Variants in TMEM181 observed in about 807,000 individuals in gnomAD.
TMEM181 encodes transmembrane protein 181.
In TMEM181, 39 loss-of-function variants were observed where a neutral mutation model predicts 71.9. The observed-to-expected ratio is 0.54, with a 90% confidence interval of 0.42 to 0.71. The LOEUF (loss-of-function observed/expected upper bound fraction) is 0.71, where lower values mean the gene tolerates loss of function less well. TMEM181 is among the 30% of genes least tolerant of loss of function. TMEM181 has a pLI of 0.00. For synonymous variants in TMEM181, 245 were observed against 228.8 expected (o/e 1.07, Z -0.64); for missense variants, 595 against 583.0 (o/e 1.02, Z -0.21).
Position 158,605,293 on chromosome 6 carries a change from C to T in TMEM181, c.519C>T (p.Ser173=). The T allele has an allele frequency of 6.2e-7, 1 of 1,613,904 alleles. No individual in the cohort carries two copies. Among genetic ancestry groups the T allele is most frequent in the African/African-American group, 1.3e-5 (1 of 74,960 alleles). ...GGAAGACTTATAACCCTGCCTTCTC[C>T]CGGTTGGAAATCTGGTTCCGGTTTT... is the stretch of plus-strand genomic sequence containing the variant. ...FTWKTYNPAF[S]RLEIWFRFFF... Residue 173 remains serine (S), a synonymous_variant, in exon 7 of 17, where the codon TCC becomes TCT. Coordinates refer to ENST00000684151, the MANE Select transcript of TMEM181 (RefSeq NM_001376852.1).
intron 6 of TMEM181, among the ~76,000 whole-genome samples, chr6:158,601,066 T>C (rs1425392706): frequency 6.6e-6 from 1 of 152,090 alleles, no homozygotes; most frequent in African/African-American, 2.4e-5. Flanking sequence ...ATATCAACAC[T>C]CCCCCCAAAT....
intron 6 of TMEM181, among the ~76,000 whole-genome samples, chr6:158,593,738 T>TC (rs1160215599): frequency 2.6e-5 from 4 of 152,338 alleles, no homozygotes; most frequent in Admixed American, 2.0e-4. Context: ...TTCTTTTTTT[T>TC]CCCACATTAT....
At chr6:158,627,558 TGAG>T (rs1786389750) in intron 13 of TMEM181, among the ~76,000 whole-genome samples, 1 of 152,140 alleles carries the variant, frequency 6.6e-6, no homozygotes, top group South Asian at 2.1e-4. Flanking sequence ...GCTGAGGACC[TGAG>T]GAGGAGCCCT....
intron 1 of TMEM181, among the ~76,000 whole-genome samples, chr6:158,568,749 C>T (rs866668342): frequency 1.3e-5 from 2 of 152,100 alleles, no homozygotes; most frequent in Admixed American, 1.3e-4. Context: ...GAACAGGAGC[C>T]GTGTTCTGAA....
intron 1 of TMEM181, among the ~76,000 whole-genome samples, chr6:158,537,654 C>T (rs1174680589): frequency 1.3e-5 from 2 of 152,204 alleles, no homozygotes; most frequent in East Asian, 3.9e-4. Flanking sequence ...CGGTAGAAAG[C>T]TCCCTCACCC....
intron 15 of TMEM181, among the ~76,000 whole-genome samples, chr6:158,630,243 C>T (rs137906959): frequency 8.5e-5 from 13 of 152,256 alleles, no homozygotes; most frequent in Middle Eastern, 3.4e-3. Context: ...ATCCTTTGAT[C>T]CCAGCACTTC....
intron 1 of TMEM181, among the ~76,000 whole-genome samples, chr6:158,561,838 C>A (rs1032305627): frequency 1.3e-5 from 2 of 152,142 alleles, no homozygotes; most frequent in Non-Finnish European, 1.5e-5. Flanking sequence ...ATCTGGAAAT[C>A]AGCCCACCAC....
Position 158,546,148 on chromosome 6 carries a change from C to A in TMEM181, c.131+9283C>A, listed in dbSNP as rs184438163. The stretch of plus-strand genomic sequence containing the variant: ...TACTTCCTATTCCATCTGGAAAGGT[C>A]AAGCATGCTCCTGCCTCGTGGTGAC... On this transcript the variant is annotated intron_variant, in intron 1 of 16. Coordinates refer to the TMEM181 transcript ENST00000367090. Among the ~76,000 whole-genome samples the A allele has an allele frequency of 5.3e-5, 8 of 152,300 alleles. 1 individual carries two copies. The highest frequency in any genetic ancestry group is 1.7e-4 in the African/African-American group (7 of 41,550).
At chr6:158,571,764 C>T (rs185022973) in intron 1 of TMEM181, among the ~76,000 whole-genome samples, 491 of 152,334 alleles carry the variant, frequency 3.2e-3, no homozygotes, top group African/African-American at 0.011. Context: ...CCTGCAGCGC[C>T]GTCCCAGAGC....
chr6:158,554,368 G>C (rs969752961), intron 1 of TMEM181, among the ~76,000 whole-genome samples: 3 of 151,972 alleles, frequency 2.0e-5, no homozygotes, highest in Non-Finnish European at 4.4e-5. Flanking sequence ...TTACAGGCGT[G>C]AGCCACCGCG....
chr6:158,585,248 T>C, intron 4 of TMEM181, 56 bp from the exon 5 acceptor site: 1 of 1,513,710 alleles, frequency 6.6e-7, no homozygotes, highest in Non-Finnish European at 8.8e-7. Flanking sequence ...GAAGGCACCT[T>C]TGTAGGTGTG....
upstream of TMEM181, among the ~76,000 whole-genome samples, chr6:158,556,451 A>G (rs1165128869): frequency 6.6e-6 from 1 of 152,240 alleles, no homozygotes; most frequent in Non-Finnish European, 1.5e-5. Flanking sequence ...CAATGGGAAT[A>G]TATGTGCCAT....
chr6:158,608,156 G>T (rs1785059007), intron 8 of TMEM181, among the ~76,000 whole-genome samples, 177 bp from the exon 9 acceptor site: 1 of 152,158 alleles, frequency 6.6e-6, no homozygotes, highest in Non-Finnish European at 1.5e-5. Context: ...GTGGGATGGG[G>T]TGCTCTCTGC....
chr6:158,559,337 A>G (rs1196701930), upstream of TMEM181, among the ~76,000 whole-genome samples: 1 of 152,248 alleles, frequency 6.6e-6, no homozygotes, highest in African/African-American at 2.4e-5. Context: ...GCCAATAGTA[A>G]GCCTGTTTAC....
At chr6:158,591,821 G>GTT (rs1404508313) in intron 6 of TMEM181, among the ~76,000 whole-genome samples, 2 of 152,100 alleles carry the variant, frequency 1.3e-5, no homozygotes, top group African/African-American at 4.8e-5. Context: ...GTGGGCCGCT[G>GTT]TTTTGTCTTT....
chr6:158,605,693 T>C (rs1244363452), intron 7 of TMEM181, among the ~76,000 whole-genome samples: 4 of 152,226 alleles, frequency 2.6e-5, no homozygotes, highest in Admixed American at 6.5e-5. Context: ...CTTGGGTTTT[T>C]ATATTTTATA....
At chr6:158,630,615 T>TG (rs1215103190) in intron 15 of TMEM181, among the ~76,000 whole-genome samples, 1 of 152,050 alleles carries the variant, frequency 6.6e-6, no homozygotes, top group Non-Finnish European at 1.5e-5. Flanking sequence ...CTGTAGTTGA[T>TG]GCGTTTTTGA....
intron 1 of TMEM181, among the ~76,000 whole-genome samples, chr6:158,551,640 C>T (rs527361167): frequency 5.3e-5 from 8 of 152,190 alleles, no homozygotes; most frequent in East Asian, 1.9e-4. Context: ...CAGGACCATT[C>T]GACTTTTACA....
intron 11 of TMEM181, 36 bp from the exon 12 acceptor site, chr6:158,625,068 C>A: frequency 1.3e-6 from 2 of 1,540,690 alleles, no homozygotes; most frequent in Non-Finnish European, 1.8e-6. Context: ...CACAGAGGCC[C>A]TGTTCCGACT....
Sources: gnomAD v4.1 joint callset for allele counts (sites outside exome capture counted in the v4.1 genomes callset) on GRCh38, gnomAD v4.1.1 for gene constraint, MANE v1.5 for transcripts, NCBI Gene and HGNC (gene_info 2026-07-23, HGNC 2026-07-21) for gene names.